The following MEG3 variants were observed in gnomAD, a reference collection of about 807,000 sequenced individuals.
MEG3 encodes the protein maternally expressed 3.
intron 3 of MEG3, chr14:100,851,198 TAGGC>T (rs1195895543): frequency 6.6e-6 from 1 of 152,272 alleles, no homozygotes; most frequent in Admixed American, 6.5e-5. Flanking sequence ...ATGGCCTGGA[TAGGC>T]AGGAAGGGCT....
intron 3 of MEG3, chr14:100,847,090 T>A (rs1291683817): frequency 6.7e-6 from 1 of 150,064 alleles, no homozygotes; most frequent in Admixed American, 6.6e-5. Context: ...CATGTCAGAC[T>A]ATTGTAAGCT....
intron 2 of MEG3, among the ~76,000 whole-genome samples, chr14:100,843,004 A>G (rs185717290): frequency 3.0e-4 from 46 of 152,346 alleles, no homozygotes; most frequent in Middle Eastern, 3.4e-3. Flanking sequence ...ATTCTAGCCC[A>G]GCACTGCGTT....
intron 3 of MEG3, chr14:100,852,149 G>A (rs1306269119): frequency 2.8e-6 from 1 of 359,662 alleles, no homozygotes; most frequent in East Asian, 7.6e-5. Flanking sequence ...TGACTCTGTA[G>A]ACGCTGGGTG....
chr14:100,852,307 AG>A (rs34639901), upstream of MEG3: 7 of 529,286 alleles, frequency 1.3e-5, no homozygotes, highest in African/African-American at 5.8e-5. Flanking sequence ...GGCAAGAAGA[AG>A]GGGGTGGTTC....
Position 100,834,776 on chromosome 14 carries a change from A to C in MEG3, n.1808A>C, listed in dbSNP as rs568408965. ...GGTGAGTGAATGAAAGGACTCGACC[A>C]CCACAGCTGAGCCACTAGCTGGGCC... On this transcript the variant is annotated non_coding_transcript_exon_variant, in exon 1 of 4. Transcript: ENST00000398461. 1.3e-5 allele frequency: 6 copies of C among 456,586 alleles called. No individual in the cohort carries two copies. In the East Asian group the frequency reaches 4.2e-4, roughly 32 times the overall value. The allele number at this position is 456,586 out of a possible 1,614,324, so 28.3% of individuals were successfully genotyped here. A position where few individuals can be genotyped will look rare whatever the true frequency, so the allele number is the denominator to read the frequency against.
At chr14:100,826,836 A>T (rs2037245980) in intron 1 of MEG3, among the ~76,000 whole-genome samples, 1 of 152,160 alleles carries the variant, frequency 6.6e-6, no homozygotes, top group African/African-American at 2.4e-5. Flanking sequence ...ACCCGATATC[A>T]TCTGGTTCTG....
chr14:100,834,375 G>C (rs931766699), exon 1 of MEG3: 1 of 262,650 alleles, frequency 3.8e-6, no homozygotes, highest in East Asian at 1.0e-4. Context: ...AAATCAGCTG[G>C]CCCCCGGCAG....
intron 1 of MEG3, chr14:100,835,894 C>T (rs564121051): frequency 1.0e-4 from 30 of 294,022 alleles, no homozygotes; most frequent in African/African-American, 2.7e-4. Flanking sequence ...GTGTTGCCCC[C>T]GCCTGCCTTT....
At chr14:100,856,326 G>T (rs1200208563), upstream of MEG3, 1 of 152,752 alleles carries the variant, frequency 6.5e-6, no homozygotes, top group African/African-American at 2.4e-5. Context: ...GGTCTTGGGG[G>T]TTCAACCTGG....
At chr14:100,846,913 A>G (rs369661385) in intron 3 of MEG3, 13 of 151,392 alleles carry the variant, frequency 8.6e-5, no homozygotes, top group African/African-American at 2.7e-4. Context: ...GAAGTGCAGA[A>G]TGAGACATAG....
intron 2 of MEG3, among the ~76,000 whole-genome samples, chr14:100,843,734 G>A (rs1349090709): frequency 6.6e-6 from 1 of 152,028 alleles, no homozygotes; most frequent in Non-Finnish European, 1.5e-5. Context: ...GGGTGGGTTG[G>A]AGAGATCCCT....
In MEG3 at chr14:100,845,237, G is replaced by A. The variant is rs1262805197; in HGVS notation, n.3046-221G>A. On this transcript the variant is annotated intron_variant and non_coding_transcript_variant, in intron 2 of 3. Coordinates refer to the MEG3 transcript ENST00000398461. The surrounding 1 kb of genome is among the most constrained non-coding windows in gnomAD (Gnocchi z 5.2). ...CAGCACCAACCCAAGTCTGTTCCATGTCTCCACACCTGCCCCTTCCGCTCC... is the reference window on the plus strand; with the variant it reads ...CAGCACCAACCCAAGTCTGTTCCATATCTCCACACCTGCCCCTTCCGCTCC... Among the ~76,000 whole-genome samples the A allele has an allele frequency of 2.0e-5, 3 of 152,166 alleles. No homozygotes were observed. Among genetic ancestry groups the A allele is most frequent in the African/African-American group, 7.2e-5 (3 of 41,436 alleles).
chr14:100,858,638 T>C (rs12431658), exon 1 of MEG3: 3,814 of 153,016 alleles, frequency 0.025, 122 homozygotes, highest in Admixed American at 0.091. Flanking sequence ...AGCCTGAGCT[T>C]TACCGTGAGG....
rs1595289292 is a variant in MEG3 at position 100,845,797 on chromosome 14, A to T, written n.3121+264A>T. ...AGGCGGGCTTCAAATGTCGGACCCC[A>T]AAAGAATTTCTTCTTTTTCACTCTT... On this transcript the variant is annotated intron_variant and non_coding_transcript_variant, in intron 3 of 3. Coordinates refer to the MEG3 transcript ENST00000398461. This position sits in a 1 kb window ranked among gnomAD's most constrained non-coding sequence, Gnocchi z 5.2. 4.7e-6 allele frequency: 1 copy of T among 214,794 alleles called. No individual in the cohort carries two copies. Among genetic ancestry groups the T allele is most frequent in the African/African-American group, 2.4e-5 (1 of 42,528 alleles). 13.3% of individuals were successfully genotyped at this position (214,794 alleles called of 1,614,324 possible). A position where few individuals can be genotyped will look rare whatever the true frequency, so the allele number is the denominator to read the frequency against.
exon 2 of MEG3, chr14:100,860,787 C>A (rs754631184): frequency 2.2e-6 from 1 of 444,544 alleles, no homozygotes; most frequent in Non-Finnish European, 4.5e-6. Context: ...AGAGACCCGC[C>A]CTCTGACTGA....
intron 3 of MEG3, chr14:100,847,710 G>A (rs1424529576): frequency 6.6e-6 from 1 of 152,158 alleles, no homozygotes; most frequent in Non-Finnish European, 1.5e-5. Context: ...CCTGATGAGG[G>A]TGTTGGGGTC....
upstream of MEG3, chr14:100,853,537 CCTT>C (rs2038151563): frequency 6.6e-6 from 1 of 151,884 alleles, no homozygotes. Context: ...AATGAGCATC[CCTT>C]CTTTAAAAAA....
chr14:100,841,864 C>T (rs986585658), intron 2 of MEG3, among the ~76,000 whole-genome samples: 3 of 152,190 alleles, frequency 2.0e-5, no homozygotes, highest in Admixed American at 2.0e-4. Flanking sequence ...GTTCGTTCCC[C>T]CAACCCCCGT....
chr14:100,848,035 C>G (rs191366534), intron 3 of MEG3: 7 of 151,544 alleles, frequency 4.6e-5, no homozygotes, highest in Non-Finnish European at 7.4e-5. Flanking sequence ...CCAAGCCACT[C>G]CATGGCAATG....
Sources: gnomAD v4.1 joint callset for allele counts (sites outside exome capture counted in the v4.1 genomes callset) on GRCh38, gnomAD v4.1.1 for gene constraint, Gnocchi (gnomAD v3.1) non-coding constraint, MANE v1.5 for transcripts, NCBI Gene and HGNC (gene_info 2026-07-23, HGNC 2026-07-21) for gene names.